The following PBX1 variants were observed in gnomAD, a reference collection of about 807,000 sequenced individuals.
PBX1 encodes the protein pre-B-cell leukemia transcription factor 1.
PBX1 carries 6 observed loss-of-function variants against 53.4 expected under a neutral mutation model. The observed-to-expected ratio is 0.11, with a 90% confidence interval of 0.06 to 0.22. PBX1 has a LOEUF of 0.22. Ranked by LOEUF, PBX1 falls within the 10% of genes least tolerant of loss-of-function variation. The pLI is 1.00. For synonymous variants in PBX1, 204 were observed against 212.3 expected, an observed-to-expected ratio of 0.96 and a Z score of 0.34; for missense variants, 251 against 551.4, an observed-to-expected ratio of 0.46 and a Z score of 5.46.
At chr1:164,805,072 T>C (rs188520608) in intron 4 of PBX1, among the ~76,000 whole-genome samples, 11 of 152,226 alleles carry the variant, frequency 7.2e-5, no homozygotes, top group African/African-American at 1.2e-4. Flanking sequence ...CATGAGTCTT[T>C]TATAAAAAAC....
rs1355637531 is a variant in PBX1, at chr1:164,813,799, T to G, written c.997+1650T>G. 9 of 152,360 alleles carry G rather than the reference T, an allele frequency of 5.9e-5. No individual in the cohort carries two copies. In the East Asian group the frequency reaches 1.7e-3, roughly 29 times the overall value. 9.4% of individuals were successfully genotyped at this position (152,360 alleles called of 1,614,324 possible). A position where few individuals can be genotyped will look rare whatever the true frequency, so the allele number is the denominator to read the frequency against. ...TACTAAATTTGTAACTATTTATTCT[T>G]TCCTAAAGCCCTTAAAAGAGAAAAA... On this transcript the variant is annotated intron_variant, in intron 6 of 8. Coordinates refer to ENST00000420696, the MANE Select transcript of PBX1 (RefSeq NM_002585.4).
chr1:164,722,266 C>T lies in PBX1; in HGVS notation c.266-70228C>T, dbSNP rs116220446. Among the ~76,000 whole-genome samples the T allele has an allele frequency of 6.8e-3, 1,040 of 152,294 alleles. 14 individuals carry two copies. Among genetic ancestry groups the T allele is most frequent in the African/African-American group, 0.024 (993 of 41,564 alleles). ...CATTTGGATCCTCATTTTTTAATCC[C>T]TGCTGCCTCCCTCAATGTCATCTGG... On this transcript the variant is annotated intron_variant, in intron 2 of 8. Transcript: ENST00000420696.
chr1:164,856,436 C>T (rs2102437289), downstream of PBX1, among the ~76,000 whole-genome samples: 3 of 152,314 alleles, frequency 2.0e-5, no homozygotes, highest in South Asian at 6.2e-4. Context: ...TGGGCACAGA[C>T]ATTTGTTTTC....
intron 2 of PBX1, among the ~76,000 whole-genome samples, chr1:164,869,603 A>T (rs1240191811): frequency 6.6e-6 from 1 of 152,232 alleles, no homozygotes; most frequent in Admixed American, 6.5e-5. Flanking sequence ...AGAGAACTCA[A>T]GTAGACCAAA....
At chr1:164,618,570 C>G (rs1657455949) in intron 2 of PBX1, among the ~76,000 whole-genome samples, 1 of 152,280 alleles carries the variant, frequency 6.6e-6, no homozygotes, top group Non-Finnish European at 1.5e-5. Flanking sequence ...AATCTTTATG[C>G]TCTATTTCTC....
chr1:164,608,836 T>C (rs566829823), intron 2 of PBX1, among the ~76,000 whole-genome samples: 9 of 152,160 alleles, frequency 5.9e-5, no homozygotes, highest in East Asian at 1.9e-4. Flanking sequence ...ACAAGGTTGG[T>C]AGGAGGAAGA....
intron 2 of PBX1, among the ~76,000 whole-genome samples, chr1:164,595,859 G>A (rs1271849425): frequency 6.6e-6 from 1 of 152,134 alleles, no homozygotes; most frequent in East Asian, 1.9e-4. Context: ...GGGCTAGCTA[G>A]GAAAAATACG....
intron 2 of PBX1, among the ~76,000 whole-genome samples, chr1:164,709,616 G>A (rs1304705041): frequency 1.3e-5 from 2 of 151,790 alleles, no homozygotes; most frequent in African/African-American, 2.4e-5. Flanking sequence ...TTCTTGCATA[G>A]GTCTGCTGGC....
rs181799174 is a variant in PBX1, at chr1:164,864,574, T to G, written n.257+33091T>G. ...GATTTTTCATAGGTAATGATACCTA[T>G]AAACTTCAGGGATGGCAGCCACCAG... On this transcript the variant is annotated intron_variant and non_coding_transcript_variant, in intron 2 of 2. Coordinates refer to the PBX1 transcript ENST00000558796. Among the ~76,000 whole-genome samples the G allele has an allele frequency of 9.2e-5, 14 of 152,290 alleles. No homozygotes were observed. The East Asian group carries it at 2.7e-3, about 29-fold the overall frequency.
rs1170509235 is a variant in PBX1 at position 164,646,536 on chromosome 1, G to A, written c.265+83225G>A. On this transcript the variant is annotated intron_variant, in intron 2 of 8. Coordinates refer to ENST00000420696, the MANE Select transcript of PBX1 (RefSeq NM_002585.4). ...TCTGATGGGGAGATATGGCCAAACC[G>A]ACCCCTTACTTCTAATTGTGCTCCA... is the stretch of plus-strand genomic sequence containing the variant. 1.3e-5 allele frequency among the ~76,000 whole-genome samples: 2 copies of A among 152,070 alleles called. 1 individual carries two copies.
chr1:164,803,237 A>G (rs1389808957), intron 4 of PBX1, among the ~76,000 whole-genome samples: 2 of 152,246 alleles, frequency 1.3e-5, no homozygotes, highest in East Asian at 3.8e-4. Context: ...CAAAGAGCTC[A>G]TAGGACAAAT....
At position 164,707,168 on chromosome 1, in the gene PBX1, G is replaced by A. The variant is rs74117991; in HGVS notation, c.266-85326G>A. Among the ~76,000 whole-genome samples, 590 of 152,300 alleles carry A rather than the reference G, an allele frequency of 3.9e-3. 4 individuals are homozygous for A. Among genetic ancestry groups the A allele is most frequent in the African/African-American group, 0.014 (568 of 41,544 alleles). ...TTCTGATCACAGCTCCGCTGGCATC[G>A]AGATTGGAATACAGATTATGGGAGG... is the stretch of plus-strand genomic sequence containing the variant. On this transcript the variant is annotated intron_variant, in intron 2 of 8. Coordinates refer to ENST00000420696, the MANE Select transcript of PBX1 (RefSeq NM_002585.4).
At position 164,776,307 on chromosome 1, in the gene PBX1, C is replaced by A. The variant is rs373268654; in HGVS notation, c.266-16187C>A. 3.3e-5 allele frequency among the ~76,000 whole-genome samples: 5 copies of A among 152,142 alleles called. No individual in the cohort carries two copies. The South Asian group carries it at 1.0e-3, about 31-fold the overall frequency. On this transcript the variant is annotated intron_variant, in intron 2 of 8. Coordinates refer to ENST00000420696, the MANE Select transcript of PBX1 (RefSeq NM_002585.4). ...CGCATCCCCAGAAACATGGGTGTTCCTTAGGTGTAAAGGGCATGGCCAGCT... is the reference window on the plus strand; with the variant it reads ...CGCATCCCCAGAAACATGGGTGTTCATTAGGTGTAAAGGGCATGGCCAGCT...
intron 2 of PBX1, among the ~76,000 whole-genome samples, chr1:164,727,003 A>T (rs1296241251): frequency 6.6e-6 from 1 of 152,106 alleles, no homozygotes; most frequent in Non-Finnish European, 1.5e-5. Flanking sequence ...CTCAGCTACT[A>T]TTTTTGATCA....
At chr1:164,675,782 G>C (rs1046417209) in intron 2 of PBX1, among the ~76,000 whole-genome samples, 2 of 152,078 alleles carry the variant, frequency 1.3e-5, no homozygotes, top group African/African-American at 4.8e-5. Context: ...CACCACACTG[G>C]CTTAGATGAA....
intron 2 of PBX1, among the ~76,000 whole-genome samples, chr1:164,864,694 C>T (rs1336185848): frequency 6.6e-6 from 1 of 152,188 alleles, no homozygotes; most frequent in African/African-American, 2.4e-5. Flanking sequence ...TCAGCCTGGC[C>T]TATCCCAGGG....
intron 2 of PBX1, among the ~76,000 whole-genome samples, chr1:164,720,155 C>T (rs1321662143): frequency 5.3e-5 from 8 of 152,192 alleles, no homozygotes; most frequent in Non-Finnish European, 1.0e-4. Context: ...AGGTCCAAAA[C>T]TGTGTTTTTA....
intron 8 of PBX1, among the ~76,000 whole-genome samples, chr1:164,834,397 G>A (rs1022514921): frequency 1.3e-5 from 2 of 149,530 alleles, no homozygotes; most frequent in East Asian, 3.9e-4. Context: ...AGGCTGGAGT[G>A]CAGTAGCACA....
At chr1:164,675,222 A>G (rs904544359) in intron 2 of PBX1, among the ~76,000 whole-genome samples, 1 of 152,126 alleles carries the variant, frequency 6.6e-6, no homozygotes, top group Non-Finnish European at 1.5e-5. Context: ...CATTTCATTC[A>G]AGGAAATGGA....
Sources: gnomAD v4.1 joint callset for allele counts (sites outside exome capture counted in the v4.1 genomes callset) on GRCh38, gnomAD v4.1.1 for gene constraint, MANE v1.5 for transcripts, NCBI Gene and HGNC (gene_info 2026-07-23, HGNC 2026-07-21) for gene names.